The following GALNTL6 variants were observed in gnomAD, a reference collection of about 807,000 sequenced individuals.
The protein encoded by GALNTL6 is polypeptide N-acetylgalactosaminyltransferase-like 6.
A neutral mutation model predicts 73.7 loss-of-function variants in GALNTL6; 46 were observed. The observed-to-expected ratio is 0.62, with a 90% CI of 0.49 to 0.80. The LOEUF is 0.80. Ranked by LOEUF, GALNTL6 falls within the 30% of genes least tolerant of loss-of-function variation. GALNTL6 has a pLI of 0.00. For synonymous variants in GALNTL6, 259 were observed against 263.7 expected (o/e 0.98, Z 0.17); for missense variants, 604 against 755.0 (o/e 0.80, Z 2.34).
intron 5 of GALNTL6, among the ~76,000 whole-genome samples, chr4:172,357,261 C>T (rs1025691767): frequency 1.3e-5 from 2 of 152,064 alleles, no homozygotes; most frequent in African/African-American, 2.4e-5. Context: ...ACTGATGTGC[C>T]GTAGAATTTA....
At chr4:172,156,883 T>A (rs1734305750) in intron 2 of GALNTL6, among the ~76,000 whole-genome samples, 1 of 152,048 alleles carries the variant, frequency 6.6e-6, no homozygotes, top group Non-Finnish European at 1.5e-5. Flanking sequence ...AAGTTTCCTA[T>A]TACAACTAAC....
chr4:172,306,621 C>T (rs936474320), intron 3 of GALNTL6, among the ~76,000 whole-genome samples: 1 of 152,170 alleles, frequency 6.6e-6, no homozygotes, highest in Admixed American at 6.5e-5. Flanking sequence ...ACCCTGGTAG[C>T]TTTACCCCTG....
intron 5 of GALNTL6, among the ~76,000 whole-genome samples, chr4:172,379,263 G>C (rs1262617261): frequency 6.6e-6 from 1 of 152,148 alleles, no homozygotes; most frequent in Non-Finnish European, 1.5e-5. Context: ...GGGCGCGGTG[G>C]CTCACGCCTG....
chr4:172,373,154 G>T (rs1388180176), intron 5 of GALNTL6, among the ~76,000 whole-genome samples: 1 of 152,338 alleles, frequency 6.6e-6, no homozygotes, highest in East Asian at 1.9e-4. Context: ...TGACCAAACA[G>T]GTGAGGGCTA....
At chr4:172,046,569 G>T (rs1178437352) in intron 2 of GALNTL6, among the ~76,000 whole-genome samples, 3 of 152,198 alleles carry the variant, frequency 2.0e-5, no homozygotes, top group Non-Finnish European at 4.4e-5. Flanking sequence ...CAGTCTGACA[G>T]GTGTGAGATG....
intron 2 of GALNTL6, among the ~76,000 whole-genome samples, chr4:172,114,316 G>A (rs2110984864): frequency 6.6e-6 from 1 of 152,116 alleles, no homozygotes; most frequent in Admixed American, 6.6e-5. Flanking sequence ...GGCTCTTCTG[G>A]AGAAAGAAAA....
chr4:172,259,183 C>T (rs1738174814), intron 3 of GALNTL6, among the ~76,000 whole-genome samples: 1 of 151,446 alleles, frequency 6.6e-6, no homozygotes, highest in Admixed American at 6.6e-5. Flanking sequence ...AATCTCCGTA[C>T]TGTTTTCCAT....
At chr4:171,815,368 C>G (rs1034504536) in intron 2 of GALNTL6, 9 of 152,534 alleles carry the variant, frequency 5.9e-5, no homozygotes, top group African/African-American at 2.2e-4. Context: ...TGGAAACACC[C>G]ATACTAAAGA....
chr4:172,766,708 A>G (rs557181959), intron 5 of GALNTL6, among the ~76,000 whole-genome samples: 18 of 152,166 alleles, frequency 1.2e-4, no homozygotes, highest in Non-Finnish European at 2.5e-4. Context: ...TTTTAGTGCA[A>G]TTGTTGCTGG....
intron 2 of GALNTL6, among the ~76,000 whole-genome samples, chr4:172,134,337 A>T (rs954177091): frequency 6.6e-6 from 1 of 151,824 alleles, no homozygotes; most frequent in African/African-American, 2.4e-5. Flanking sequence ...GTGAGCCGAG[A>T]TCACTCCACT....
intron 2 of GALNTL6, among the ~76,000 whole-genome samples, chr4:171,824,776 T>C (rs1308344183): frequency 6.6e-6 from 1 of 152,200 alleles, no homozygotes; most frequent in Non-Finnish European, 1.5e-5. Flanking sequence ...CCTCTTGATA[T>C]TTTTGCATTT....
rs567703439 is a variant in GALNTL6 at position 172,281,567 on chromosome 4, C to T, written c.248-30047C>T. On this transcript the variant is annotated intron_variant, in intron 3 of 12. Transcript: ENST00000506823. ...TACAAAAAAAAGAAAAAAAATTAGC[C>T]AGGCATTGTGGTGCACGCCTGTAAT... is the stretch of plus-strand genomic sequence containing the variant. 7.2e-5 allele frequency among the ~76,000 whole-genome samples: 11 copies of T among 152,156 alleles called. No homozygotes were observed. The East Asian group carries it at 2.1e-3, about 30-fold the overall frequency.
intron 3 of GALNTL6, among the ~76,000 whole-genome samples, chr4:172,231,621 G>C (rs1189360467): frequency 6.6e-6 from 1 of 152,100 alleles, no homozygotes; most frequent in East Asian, 1.9e-4. Context: ...TACATGCACT[G>C]TGGCAAATCA....
At chr4:172,208,266 T>G (rs1269619835) in intron 2 of GALNTL6, among the ~76,000 whole-genome samples, 1 of 152,170 alleles carries the variant, frequency 6.6e-6, no homozygotes, top group African/African-American at 2.4e-5. Context: ...TGTCTTTTCA[T>G]TTTAATTCTT....
At chr4:172,900,540 T>A (rs1467119167) in intron 8 of GALNTL6, among the ~76,000 whole-genome samples, 1 of 152,220 alleles carries the variant, frequency 6.6e-6, no homozygotes, top group Non-Finnish European at 1.5e-5. Context: ...GATTATCAGA[T>A]ATTGTTCAAA....
At chr4:172,450,772 C>T (rs139788204) in intron 5 of GALNTL6, among the ~76,000 whole-genome samples, 135 of 152,284 alleles carry the variant, frequency 8.9e-4, no homozygotes, top group Non-Finnish European at 1.3e-3. Context: ...GATTATCTGC[C>T]GGGAACATTC....
chr4:171,920,327 A>G (rs145449037), intron 2 of GALNTL6, among the ~76,000 whole-genome samples: 2,634 of 152,114 alleles, frequency 0.017, 88 homozygotes, highest in African/African-American at 0.061. Flanking sequence ...ACATGTATAC[A>G]TATGTAACAA....
intron 2 of GALNTL6, among the ~76,000 whole-genome samples, chr4:171,976,687 T>C (rs1347721050): frequency 6.6e-6 from 1 of 152,208 alleles, no homozygotes; most frequent in Non-Finnish European, 1.5e-5. Context: ...GGTAAAGAGA[T>C]ATGTGGTCAT....
intron 3 of GALNTL6, among the ~76,000 whole-genome samples, chr4:172,292,583 C>T (rs1419042395): frequency 6.6e-6 from 1 of 152,080 alleles, no homozygotes; most frequent in Non-Finnish European, 1.5e-5. Flanking sequence ...AGTGTACTGA[C>T]ATCATGGTTG....
Sources: gnomAD v4.1 joint callset for allele counts (sites outside exome capture counted in the v4.1 genomes callset) on GRCh38, gnomAD v4.1.1 for gene constraint, MANE v1.5 for transcripts, NCBI Gene and HGNC (gene_info 2026-07-23, HGNC 2026-07-21) for gene names.